Variants in NUP93 observed in about 807,000 individuals in gnomAD.
NUP93 encodes nuclear pore complex protein Nup93.
In NUP93, 55 loss-of-function variants were observed where a neutral mutation model predicts 107.8. That is an observed-to-expected ratio of 0.51 (90% CI 0.41 to 0.64). The LOEUF is 0.64. Among genes scored for constraint, NUP93 ranks in the 30% least tolerant of loss-of-function variants. The probability of loss-of-function intolerance (pLI) is 0.00; values close to 1 mark genes in which losing one functional copy is unlikely to be tolerated. For missense variants in NUP93, 937 were observed against 1,044.7 expected (o/e 0.90, Z 1.42); for synonymous variants, 390 against 397.5 (o/e 0.98, Z 0.22).
intron 6 of NUP93, among the ~76,000 whole-genome samples, chr16:56,819,529 A>AG (rs1338796642): frequency 6.6e-6 from 1 of 152,120 alleles, no homozygotes; most frequent in African/African-American, 2.4e-5. Flanking sequence ...AGATTCTTTG[A>AG]GGGGGGACCC....
rs540872533 is a variant in NUP93, at chr16:56,746,982, C to G, written c.-14-1252C>G. Reference sequence around the variant, plus strand: ...TTTTAATGAAAGATTTTCTTCTTAACCTTTTAGCAATGTAATTTTTTTTTT... The same window carrying G: ...TTTTAATGAAAGATTTTCTTCTTAAGCTTTTAGCAATGTAATTTTTTTTTT... On this transcript the variant is annotated intron_variant, in intron 1 of 21. Transcript: ENST00000308159. Among the ~76,000 whole-genome samples, 12 of 152,032 alleles carry G rather than the reference C, an allele frequency of 7.9e-5. No individual in the cohort carries two copies. In the South Asian group the frequency reaches 2.1e-3, roughly 26 times the overall value.
chr16:56,735,313 A>C (rs1191188712), intron 1 of NUP93, among the ~76,000 whole-genome samples: 4 of 152,204 alleles, frequency 2.6e-5, no homozygotes, highest in African/African-American at 9.6e-5. Context: ...CGAGCTAAAG[A>C]GTGAAGGAGC....
chr16:56,786,400 T>C (rs1431898554), intron 3 of NUP93, among the ~76,000 whole-genome samples: 1 of 152,238 alleles, frequency 6.6e-6, no homozygotes, highest in Non-Finnish European at 1.5e-5. Context: ...ACTCCTAATC[T>C]GTGCTGCACT....
chr16:56,783,331 A>T (rs1363905743), intron 3 of NUP93: 1 of 230,220 alleles, frequency 4.3e-6, no homozygotes, highest in African/African-American at 2.3e-5. Context: ...GGAGCTGTCA[A>T]TTGGGGAATA....
chr16:56,773,447 A>G (rs996278471), intron 3 of NUP93, among the ~76,000 whole-genome samples: 2 of 152,212 alleles, frequency 1.3e-5, no homozygotes, highest in Non-Finnish European at 2.9e-5. Context: ...GGAAGGAGCC[A>G]CTGATCTCAT....
chr16:56,790,893 TCTTC>T (rs1373128478), intron 3 of NUP93, among the ~76,000 whole-genome samples: 1 of 152,242 alleles, frequency 6.6e-6, no homozygotes, highest in Admixed American at 6.5e-5. Flanking sequence ...ATATTTTCTT[TCTTC>T]CTTCATTGCT....
chr16:56,845,028 TTGAA>T lies in NUP93; in HGVS notation c.*422_*425del, dbSNP rs1394170852. ...TCACGATTCATTTTCACATTTTTAT[TTGAA>T]TGTGAAAGTCAACCTCAGCCTTAGA... On this transcript the variant is annotated 3_prime_UTR_variant, in exon 22 of 22. Coordinates refer to ENST00000308159, the MANE Select transcript of NUP93 (RefSeq NM_014669.5). The T allele has an allele frequency of 2.0e-5, 5 of 248,914 alleles. No individual in the cohort carries two copies. The East Asian group carries it at 3.0e-4, about 15-fold the overall frequency. 15.4% of individuals were successfully genotyped at this position (248,914 alleles called of 1,614,324 possible).
At chr16:56,830,102 G>C (rs1408440953) in intron 9 of NUP93, among the ~76,000 whole-genome samples, 1 of 152,194 alleles carries the variant, frequency 6.6e-6, no homozygotes, top group African/African-American at 2.4e-5. Context: ...TTATAAACTT[G>C]AGTGCTATAA....
At chr16:56,828,719 T>G (rs949966436) in intron 8 of NUP93, among the ~76,000 whole-genome samples, 1 of 152,222 alleles carries the variant, frequency 6.6e-6, no homozygotes, top group Non-Finnish European at 1.5e-5. Context: ...CCACCCTTAA[T>G]GTATTTGAAG....
intron 8 of NUP93, among the ~76,000 whole-genome samples, chr16:56,825,393 T>C (rs1361721157): frequency 6.6e-6 from 1 of 151,898 alleles, no homozygotes; most frequent in Non-Finnish European, 1.5e-5. Flanking sequence ...TTAGTAGAGA[T>C]GGAGTTTCAC....
chr16:56,781,699 A>G (rs1962517634), intron 3 of NUP93: 7 of 257,476 alleles, frequency 2.7e-5, no homozygotes, highest in Non-Finnish European at 4.3e-5. Flanking sequence ...CATCAGAGTA[A>G]TTGCAGTGGT....
intron 3 of NUP93, among the ~76,000 whole-genome samples, chr16:56,793,161 A>T (rs1962807279): frequency 6.6e-6 from 1 of 152,236 alleles, no homozygotes. Context: ...CTGGAAACCA[A>T]AACACATTTG....
At chr16:56,734,057 A>G (rs1449168283) in intron 1 of NUP93, among the ~76,000 whole-genome samples, 1 of 152,240 alleles carries the variant, frequency 6.6e-6, no homozygotes, top group Admixed American at 6.5e-5. Context: ...GGGGCTGTGG[A>G]CAGACCAGAC....
Position 56,831,977 on chromosome 16 carries a change from G to A in NUP93, c.1221G>A (p.Ala407=), listed in dbSNP as rs369120051. The A allele has an allele frequency of 2.9e-5, 47 of 1,614,010 alleles. No individual in the cohort carries two copies. The African/African-American group carries it at 4.1e-4, about 14-fold the overall frequency. ...TCACCGACAACCAGAGTGAAGTGGC[G>A]GACAAAACTGAGGATTACCTGTGGC... ...CDVTDNQSEV[A]DKTEDYLWLK... The change falls in exon 11 of 22, where the codon GCG becomes GCA. Residue 407 remains alanine, a synonymous_variant. Transcript: ENST00000308159.
intron 1 of NUP93, among the ~76,000 whole-genome samples, chr16:56,737,537 C>T (rs147123119): frequency 6.6e-6 from 1 of 152,312 alleles, no homozygotes; most frequent in African/African-American, 2.4e-5. Flanking sequence ...CCCTACACTC[C>T]CAAGGATAAC....
rs745489090 is a variant in NUP93 at position 56,834,740 on chromosome 16, A to G, written c.1744A>G (p.Met582Val). Reference sequence around the variant, plus strand: ...AACTTTTTTCCTTCCACAGTTCGATATGATTCTTGGGAAACTAGAGAATGA... The same window carrying G: ...AACTTTTTTCCTTCCACAGTTCGATGTGATTCTTGGGAAACTAGAGAATGA... ...ELVIESREFD[M>V]ILGKLENDGS... The change falls in exon 16 of 22, where the codon ATG (methionine) becomes GTG (valine). Residue 582 changes from methionine to valine, a missense_variant. Met to Val is a conservative substitution (Grantham distance 21). Transcript: ENST00000308159. 9 of 1,612,092 alleles carry G rather than the reference A, an allele frequency of 5.6e-6. No individual in the cohort carries two copies. Among genetic ancestry groups the G allele is most frequent in the Middle Eastern group, 1.6e-4 (1 of 6,078 alleles).
chr16:56,775,368 G>C (rs543435945), intron 3 of NUP93, among the ~76,000 whole-genome samples: 39 of 152,206 alleles, frequency 2.6e-4, no homozygotes, highest in Non-Finnish European at 5.0e-4. Flanking sequence ...GCAATTTATA[G>C]GTTAATCAGT....
chr16:56,760,940 CAG>C (rs1259120488), intron 3 of NUP93, among the ~76,000 whole-genome samples: 54 of 151,722 alleles, frequency 3.6e-4, no homozygotes, highest in African/African-American at 1.3e-3. Flanking sequence ...GTCTGGGTGA[CAG>C]AGCAAGACCC....
chr16:56,799,968 A>T lies in NUP93; in HGVS notation c.360+1430A>T, dbSNP rs542624561. ...GAGGACAAGGCAGGTGGACCACTTG[A>T]GGTCAGGAGTTCGAGACCAGCCCAG... On this transcript the variant is annotated intron_variant, in intron 4 of 21. Coordinates refer to ENST00000308159, the MANE Select transcript of NUP93 (RefSeq NM_014669.5). 1.1e-3 allele frequency among the ~76,000 whole-genome samples: 164 copies of T among 152,350 alleles called. 1 individual carries two copies. Among genetic ancestry groups the T allele is most frequent in the Non-Finnish European group, 1.8e-3 (120 of 68,032 alleles).
Sources: allele counts gnomAD v4.1 joint callset (sites outside exome capture counted in the v4.1 genomes callset), GRCh38; gene constraint gnomAD v4.1.1; transcripts MANE v1.5; gene names NCBI Gene and HGNC (gene_info 2026-07-23, HGNC 2026-07-21).